CDC42BPB: variants seen among roughly 807,000 people sequenced by gnomAD.
CDC42BPB encodes the protein CDC42 binding protein kinase beta.
A neutral mutation model predicts 214.9 loss-of-function variants in CDC42BPB; 37 were observed. The observed-to-expected ratio is 0.17, with a 90% CI of 0.13 to 0.23. CDC42BPB has a LOEUF of 0.23. Ranked by LOEUF, CDC42BPB falls within the 10% of genes least tolerant of loss-of-function variation. The probability of loss-of-function intolerance (pLI) is 1.00; values close to 1 mark genes in which losing one functional copy is unlikely to be tolerated. For missense variants in CDC42BPB, 1,694 were observed against 2,227.0 expected, an observed-to-expected ratio of 0.76 and a Z score of 4.82; for synonymous variants, 931 against 884.0, an observed-to-expected ratio of 1.05 and a Z score of -0.94.
intron 20 of CDC42BPB, among the ~76,000 whole-genome samples, chr14:102,961,088 G>C (rs564685461): frequency 2.0e-4 from 30 of 152,192 alleles, no homozygotes; most frequent in African/African-American, 7.2e-4. Flanking sequence ...GATCACTTGA[G>C]CCCAGAAAGT....
At chr14:102,941,435 GA>G in intron 30 of CDC42BPB, 2 of 985,448 alleles carry the variant, frequency 2.0e-6, no homozygotes, top group Non-Finnish European at 2.4e-6. Context: ...GGGTTTGCAA[GA>G]AAGACAAAAG....
At chr14:103,003,760 A>C (rs753651329) in intron 4 of CDC42BPB, among the ~76,000 whole-genome samples, 168 bp downstream of exon 4, 1 of 152,242 alleles carries the variant, frequency 6.6e-6, no homozygotes, top group Non-Finnish European at 1.5e-5. Context: ...ATTTTAAAGA[A>C]GTTCTACCTG....
At chr14:102,960,601 C>T (rs975183596) in intron 20 of CDC42BPB, among the ~76,000 whole-genome samples, 1 of 151,966 alleles carries the variant, frequency 6.6e-6, no homozygotes, top group South Asian at 2.1e-4. Context: ...CAGAGTGAGA[C>T]CCTGTCACAC....
intron 1 of CDC42BPB, among the ~76,000 whole-genome samples, chr14:103,021,958 G>A (rs1886800631): frequency 1.3e-5 from 2 of 152,202 alleles, no homozygotes; most frequent in African/African-American, 4.8e-5. Context: ...GGAGTTGCCT[G>A]CATGGGAAGG....
chr14:102,976,018 T>G lies in CDC42BPB; in HGVS notation c.1252A>C (p.Ile418Leu), dbSNP rs777092253. The change falls in exon 10 of 37, where the codon ATA (isoleucine) becomes CTA (leucine). Residue 418 changes from isoleucine (I) to leucine (L), a missense_variant. Around this residue, in one of 7 missense-constraint regions of CDC42BPB, gnomAD observed 462 missense variants for 513.5 expected, o/e 0.90. Coordinates refer to ENST00000361246, the MANE Select transcript of CDC42BPB (RefSeq NM_006035.4). The stretch of plus-strand genomic sequence containing the variant: ...TTGGTTAATGTGTTGGACTGCATTA[T>G]GCTCTTCAGAGAGCCTCGATCAGAA... ...CFSDRGSLKS[I>L]MQSNTLTKDE... 1.9e-6 allele frequency: 3 copies of G among 1,614,136 alleles called. No homozygotes were observed. The highest frequency in any genetic ancestry group is 2.5e-6 in the Non-Finnish European group (3 of 1,180,046).
intron 21 of CDC42BPB, among the ~76,000 whole-genome samples, chr14:102,957,881 C>T (rs954374231): frequency 1.3e-5 from 2 of 152,248 alleles, no homozygotes; most frequent in African/African-American, 4.8e-5. Context: ...CCACCCTGGG[C>T]AGGCCGGCCT....
intron 4 of CDC42BPB, among the ~76,000 whole-genome samples, chr14:103,003,242 G>C (rs1895072523): frequency 6.6e-6 from 1 of 152,158 alleles, no homozygotes. Flanking sequence ...GGCAAACCTA[G>C]AGTCACTCTA....
chr14:102,966,279 T>C lies in CDC42BPB; in HGVS notation c.2577+3A>G. The C allele has an allele frequency of 6.2e-7, 1 of 1,607,646 alleles. No individual in the cohort carries two copies. Among genetic ancestry groups the C allele is most frequent in the Middle Eastern group, 1.7e-4 (1 of 6,050 alleles). On this transcript the variant is annotated splice_donor_region_variant and intron_variant, in intron 18 of 36. Coordinates refer to ENST00000361246, the MANE Select transcript of CDC42BPB (RefSeq NM_006035.4). ...AGAAATGCAGGCATTACACAAAACCTACCAGTGTTCTTGACCCCAGACTAG... is the reference window on the plus strand; with the variant it reads ...AGAAATGCAGGCATTACACAAAACCCACCAGTGTTCTTGACCCCAGACTAG...
rs371335547 is a variant in CDC42BPB, at chr14:103,057,224, C to A, written c.-51G>T. 18 of 1,280,588 alleles carry A rather than the reference C, an allele frequency of 1.4e-5. No homozygotes were observed. The South Asian group carries it at 3.7e-4, about 26-fold the overall frequency. 79.3% of individuals were successfully genotyped at this position (1,280,588 alleles called of 1,614,324 possible). On this transcript the variant is annotated 5_prime_UTR_variant, in exon 1 of 37. Transcript: ENST00000361246. The stretch of plus-strand genomic sequence containing the variant: ...CGCCGGCCTCTCACCGCCGGCTCGG[C>A]CAGTCCGTCAGGGCGCGCCCTCGGG...
At chr14:102,945,124 G>A in intron 29 of CDC42BPB, 1 of 399,926 alleles carries the variant, frequency 2.5e-6, no homozygotes, top group Non-Finnish European at 5.1e-6. Context: ...TCGCTCCACG[G>A]CCATCACATG....
At chr14:102,983,505 C>T (rs1894100299) in intron 7 of CDC42BPB, 51 bp downstream of exon 7, 2 of 1,592,158 alleles carry the variant, frequency 1.3e-6, no homozygotes, top group Non-Finnish European at 1.7e-6. Context: ...GCTCTCTGTA[C>T]TTTAGGCCTG....
At chr14:102,955,243 C>T (rs900299165) in intron 21 of CDC42BPB, among the ~76,000 whole-genome samples, 22 of 152,030 alleles carry the variant, frequency 1.4e-4, no homozygotes, top group Non-Finnish European at 1.3e-4. Context: ...GCCAACATGG[C>T]GAAACCCCGT....
At chr14:102,951,891 C>G (rs987096691) in intron 24 of CDC42BPB, among the ~76,000 whole-genome samples, 7 of 152,198 alleles carry the variant, frequency 4.6e-5, no homozygotes, top group African/African-American at 1.7e-4. Context: ...AGGTTTTACA[C>G]AATTACTTTT....
At position 103,057,241 on chromosome 14, in the gene CDC42BPB, G is replaced by A. The variant is rs2139811682; in HGVS notation, c.-68C>T. 8.3e-7 allele frequency: 1 copy of A among 1,209,766 alleles called. No individual in the cohort carries two copies. Among genetic ancestry groups the A allele is most frequent in the Non-Finnish European group, 1.0e-6 (1 of 973,774 alleles). 74.9% of individuals were successfully genotyped at this position (1,209,766 alleles called of 1,614,324 possible). A position where few individuals can be genotyped will look rare whatever the true frequency, so the allele number is the denominator to read the frequency against. ...CGGCTCGGCCAGTCCGTCAGGGCGC[G>A]CCCTCGGGGGCTCGGCGGCTGCGAG... On this transcript the variant is annotated 5_prime_UTR_variant, in exon 1 of 37. Transcript: ENST00000361246.
chr14:103,042,812 G>A (rs1566923442), intron 1 of CDC42BPB, among the ~76,000 whole-genome samples: 1 of 152,148 alleles, frequency 6.6e-6, no homozygotes, highest in African/African-American at 2.4e-5. Flanking sequence ...GGAGAAACTG[G>A]AACCCTTGTG....
At chr14:103,003,117 C>G (rs1472498696) in intron 4 of CDC42BPB, among the ~76,000 whole-genome samples, 2 of 152,154 alleles carry the variant, frequency 1.3e-5, no homozygotes, top group Non-Finnish European at 2.9e-5. Flanking sequence ...ACGCCCCTCT[C>G]GCCACCACTG....
chr14:102,970,917 G>A (rs1351651188), intron 13 of CDC42BPB, among the ~76,000 whole-genome samples: 1 of 152,222 alleles, frequency 6.6e-6, no homozygotes, highest in Non-Finnish European at 1.5e-5. Flanking sequence ...TGTGCTTCCA[G>A]GCCTTCTCAT....
chr14:102,974,565 G>A (rs945814621), intron 11 of CDC42BPB, among the ~76,000 whole-genome samples: 1 of 152,200 alleles, frequency 6.6e-6, no homozygotes, highest in Non-Finnish European at 1.5e-5. Context: ...AGGACAGTGG[G>A]GTTCCTGATA....
intron 3 of CDC42BPB, among the ~76,000 whole-genome samples, chr14:103,005,372 A>C (rs1895189922): frequency 6.6e-6 from 1 of 152,158 alleles, no homozygotes; most frequent in African/African-American, 2.4e-5. Context: ...TGACCTCTGA[A>C]ACTTATTTCT....
Sources: gnomAD v4.1 joint callset for allele counts (sites outside exome capture counted in the v4.1 genomes callset) on GRCh38, gnomAD v4.1.1 for gene constraint, gnomAD v4.1.1 regional missense constraint, MANE v1.5 for transcripts, NCBI Gene and HGNC (gene_info 2026-07-23, HGNC 2026-07-21) for gene names.